The following PITHD1 variants were observed in gnomAD, a reference collection of about 807,000 sequenced individuals.
PITHD1 encodes the protein PITH domain-containing protein 1.
In PITHD1, 8 loss-of-function variants were observed where a neutral mutation model predicts 27.5. That is an observed-to-expected ratio of 0.29 (90% CI 0.17 to 0.52). The LOEUF (loss-of-function observed/expected upper bound fraction) is 0.52, where lower values mean the gene tolerates loss of function less well. Ranked by LOEUF, PITHD1 falls within the 20% of genes least tolerant of loss-of-function variation. PITHD1 has a pLI of 0.96. For missense variants in PITHD1, 233 were observed against 283.9 expected (o/e 0.82, Z 1.29); for synonymous variants, 118 against 106.8 (o/e 1.10, Z -0.64).
intron 3 of PITHD1, among the ~76,000 whole-genome samples, chr1:23,781,242 C>G (rs1638597828): frequency 6.6e-6 from 1 of 152,072 alleles, no homozygotes; most frequent in Non-Finnish European, 1.5e-5. Flanking sequence ...GCGGGCGGAT[C>G]ACTTGAGGCC....
intron 3 of PITHD1, among the ~76,000 whole-genome samples, chr1:23,781,462 CAAAAA>C (rs34492133): frequency 1.6e-5 from 2 of 126,354 alleles, no homozygotes; most frequent in Non-Finnish European, 3.4e-5. Context: ...GACTCTGTCT[CAAAAA>C]AAAAAAAAAA....
At position 23,785,900 on chromosome 1, in the gene PITHD1, CT is replaced by C. The variant is rs796754173; in HGVS notation, c.425+124del. On this transcript the variant is annotated intron_variant, in intron 4 of 5. Transcript: ENST00000246151. ...GTTAAAACAGTGGAGGAGACTTGATCTTTGGCTTGGTCAGTTTTTGGCAGAG... is the reference window on the plus strand; with the variant it reads ...GTTAAAACAGTGGAGGAGACTTGATCTTGGCTTGGTCAGTTTTTGGCAGAG... 102 of 615,836 alleles carry C rather than the reference CT, an allele frequency of 1.7e-4. No homozygotes were observed. The African/African-American group carries it at 1.7e-3, about 10-fold the overall frequency. The allele number at this position is 615,836 out of a possible 1,614,324, so 38.1% of individuals were successfully genotyped here.
In PITHD1 at chr1:23,786,340, C is replaced by A. The variant is rs1220962155; in HGVS notation, c.451C>A (p.His151Asn). Reference sequence around the variant, plus strand: ...AATTTCTCGTTTTTCAAATGTCTATCATCTCTCAATTCATATTTCAAAAAA... The same window carrying A: ...AATTTCTCGTTTTTCAAATGTCTATAATCTCTCAATTCATATTTCAAAAAA... Reference protein sequence around the residue: ...TKISRFSNVYHLSIHISKNFG... With the variant: ...TKISRFSNVYNLSIHISKNFG... The change falls in exon 5 of 6, where the codon CAT (histidine) becomes AAT (asparagine). Residue 151 changes from histidine to asparagine, a missense_variant. By Grantham distance (68) the His-to-Asn change is moderately conservative. Coordinates refer to ENST00000246151, the MANE Select transcript of PITHD1 (RefSeq NM_020362.5). The A allele has an allele frequency of 6.3e-7, 1 of 1,588,306 alleles. No homozygotes were observed. Among genetic ancestry groups the A allele is most frequent in the Non-Finnish European group, 8.6e-7 (1 of 1,157,608 alleles).
intron 5 of PITHD1, among the ~76,000 whole-genome samples, chr1:23,787,034 T>C (rs1638695955): frequency 6.6e-6 from 1 of 152,226 alleles, no homozygotes; most frequent in South Asian, 2.1e-4. Context: ...CCCATTATAG[T>C]AGGGAGACTG....
chr1:23,779,413 C>T lies in PITHD1; in HGVS notation c.199-25C>T, dbSNP rs144853539. The T allele has an allele frequency of 7.5e-5, 119 of 1,595,120 alleles. No individual in the cohort carries two copies. The East Asian group carries it at 2.5e-3, about 34-fold the overall frequency. On this transcript the variant is annotated intron_variant, in intron 1 of 5. Coordinates refer to ENST00000246151, the MANE Select transcript of PITHD1 (RefSeq NM_020362.5). ...TCTCAGCAAATATTTGTTGCTTTCT[C>T]CTCCCCCCTCCCCATCCCCTCCAGT...
intron 3 of PITHD1, among the ~76,000 whole-genome samples, chr1:23,781,924 C>T (rs1638606232): frequency 6.6e-6 from 1 of 152,112 alleles, no homozygotes; most frequent in South Asian, 2.1e-4. Flanking sequence ...GAATACATAG[C>T]CCTCAGTTCT....
intron 3 of PITHD1, among the ~76,000 whole-genome samples, chr1:23,781,377 C>T (rs554059015): frequency 1.7e-4 from 25 of 151,366 alleles, no homozygotes; most frequent in African/African-American, 5.6e-4. Flanking sequence ...GCATGAGAAT[C>T]ACTTGAACCG....
intron 4 of PITHD1, among the ~76,000 whole-genome samples, chr1:23,786,084 G>A (rs1053205541): frequency 6.6e-6 from 1 of 152,218 alleles, no homozygotes; most frequent in African/African-American, 2.4e-5. Context: ...TCTCATTCCT[G>A]TTCCTTGAGG....
At chr1:23,784,632 A>T (rs1437820711) in intron 3 of PITHD1, among the ~76,000 whole-genome samples, 1 of 152,148 alleles carries the variant, frequency 6.6e-6, no homozygotes, top group Non-Finnish European at 1.5e-5. Context: ...TGGTGGGGAC[A>T]TGTGGCTTAG....
Position 23,787,537 on chromosome 1 carries a change from C to T in PITHD1, c.*161C>T, listed in dbSNP as rs1246144607. On this transcript the variant is annotated 3_prime_UTR_variant, in exon 6 of 6. Coordinates refer to ENST00000246151, the MANE Select transcript of PITHD1 (RefSeq NM_020362.5). ...GCAGAAACCTGGCCTACGGAAGATACGACACCACTGGGAGGGTTGTGTAGG... is the reference window on the plus strand; with the variant it reads ...GCAGAAACCTGGCCTACGGAAGATATGACACCACTGGGAGGGTTGTGTAGG... 1.6e-5 allele frequency: 8 copies of T among 514,938 alleles called. No individual in the cohort carries two copies. The highest frequency in any genetic ancestry group is 3.9e-5 in the African/African-American group (2 of 51,598). The allele number at this position is 514,938 out of a possible 1,614,324, so 31.9% of individuals were successfully genotyped here. A position where few individuals can be genotyped will look rare whatever the true frequency, so the allele number is the denominator to read the frequency against.
chr1:23,784,666 G>A (rs536718162), intron 3 of PITHD1, among the ~76,000 whole-genome samples: 13 of 152,278 alleles, frequency 8.5e-5, no homozygotes, highest in African/African-American at 2.9e-4. Context: ...GTGGGTTATA[G>A]AGACAGCTGC....
At position 23,784,798 on chromosome 1, in the gene PITHD1, CCT is replaced by C. The variant is rs551462647; in HGVS notation, c.321-872_321-871del. Among the ~76,000 whole-genome samples the C allele has an allele frequency of 4.2e-3, 640 of 152,204 alleles. 6 individuals carry two copies. The highest frequency in any genetic ancestry group is 0.013 in the African/African-American group (542 of 41,516). On this transcript the variant is annotated intron_variant, in intron 3 of 5. Transcript: ENST00000246151. ...GTGGCGTGATCTTGGCTCATTGCAC[CCT>C]CTCTAGCGGTTTGGATGTGAGATTG...
At position 23,784,253 on chromosome 1, in the gene PITHD1, T is replaced by TTG. The variant is rs1185155837; in HGVS notation, c.321-1421_321-1420insGT. 2.8e-5 allele frequency among the ~76,000 whole-genome samples: 4 copies of TTG among 145,222 alleles called. No individual in the cohort carries two copies. In the East Asian group the frequency reaches 6.0e-4, roughly 22 times the overall value. ...TGCTTTCTTTTTTTTTTTTTTTTTTTTTTTTGAGACGGAGTCTCGCTCTGT... is the reference window on the plus strand; with the variant it reads ...TGCTTTCTTTTTTTTTTTTTTTTTTTTGTTTTTGAGACGGAGTCTCGCTCTGT... On this transcript the variant is annotated intron_variant, in intron 3 of 5. Transcript: ENST00000246151.
rs770250248 is a variant in PITHD1, at chr1:23,786,369, C to T, written c.480C>T (p.Phe160=). 8.7e-6 allele frequency: 14 copies of T among 1,606,338 alleles called. No homozygotes were observed. The highest frequency in any genetic ancestry group is 4.4e-5 in the South Asian group (4 of 90,498). Residue 160 remains phenylalanine, a synonymous_variant, in exon 5 of 6, where the codon TTC becomes TTT. Transcript: ENST00000246151. ...YHLSIHISKN[F]GADTTKVFYI... ...TCTCAATTCATATTTCAAAAAACTT[C>T]GGAGCAGATACGACAAAGGTCTTTT...
intron 3 of PITHD1, among the ~76,000 whole-genome samples, chr1:23,783,785 T>C (rs930609639): frequency 6.6e-6 from 1 of 152,110 alleles, no homozygotes; most frequent in Non-Finnish European, 1.5e-5. Context: ...TGAAATGATG[T>C]GTCTGGGATT....
intron 3 of PITHD1, among the ~76,000 whole-genome samples, chr1:23,783,474 C>T (rs972300545): frequency 1.4e-5 from 2 of 147,810 alleles, no homozygotes; most frequent in African/African-American, 2.5e-5. Context: ...TTTTTTAAGA[C>T]GGCGTTCTGC....
chr1:23,780,232 C>T (rs896021324), intron 3 of PITHD1, among the ~76,000 whole-genome samples: 11 of 152,160 alleles, frequency 7.2e-5, no homozygotes, highest in African/African-American at 2.7e-4. Context: ...GATGACTCTG[C>T]AGTTTTCTTA....
At chr1:23,786,524 C>T (rs1387076789) in intron 5 of PITHD1, 101 bp downstream of exon 5, 16 of 437,980 alleles carry the variant, frequency 3.7e-5, no homozygotes, top group Non-Finnish European at 8.4e-6. Flanking sequence ...GTCATAATTA[C>T]TCCCAGTTTA....
intron 3 of PITHD1, among the ~76,000 whole-genome samples, chr1:23,782,500 C>T (rs1484345798): frequency 6.6e-6 from 1 of 151,388 alleles, no homozygotes; most frequent in Non-Finnish European, 1.5e-5. Flanking sequence ...GAGGCCGAGG[C>T]GAAAGGATCA....
Sources: gnomAD v4.1 joint callset for allele counts (sites outside exome capture counted in the v4.1 genomes callset) on GRCh38, gnomAD v4.1.1 for gene constraint, MANE v1.5 for transcripts, NCBI Gene and HGNC (gene_info 2026-07-23, HGNC 2026-07-21) for gene names.